ZNF148: variants seen among roughly 807,000 people sequenced by gnomAD.
ZNF148 encodes the protein zinc finger protein 148, also known as Beta-Enolase Repressor Factor-1.
In ZNF148, 7 loss-of-function variants were observed where a neutral mutation model predicts 67.7. The observed-to-expected ratio is 0.10, with a 90% confidence interval of 0.06 to 0.19. The LOEUF is 0.19. ZNF148 is among the 10% of genes least tolerant of loss of function. The pLI, the probability that ZNF148 is intolerant of heterozygous loss-of-function variation, is 1.00. For synonymous variants in ZNF148, 333 were observed against 330.7 expected (o/e 1.01, Z -0.08); for missense variants, 583 against 947.1 (o/e 0.62, Z 5.05).
chr3:125,356,270 A>G (rs1442695188), intron 1 of ZNF148, among the ~76,000 whole-genome samples: 1 of 152,236 alleles, frequency 6.6e-6, no homozygotes, highest in African/African-American at 2.4e-5. Context: ...CCAAACAGAC[A>G]AACACCCAGT....
At chr3:125,317,762 A>G (rs1264659879) in intron 3 of ZNF148, among the ~76,000 whole-genome samples, 2 of 150,294 alleles carry the variant, frequency 1.3e-5, no homozygotes, top group East Asian at 3.9e-4. Flanking sequence ...GGAAAATGAA[A>G]TAAGAAAGGA....
At chr3:125,310,759 T>G (rs1318145616) in intron 4 of ZNF148, 1 of 152,296 alleles carries the variant, frequency 6.6e-6, no homozygotes, top group African/African-American at 2.4e-5. Flanking sequence ...GAGTTTCAGT[T>G]TCAGTTTTGC....
chr3:125,255,795 A>G (rs1221758071), intron 7 of ZNF148, among the ~76,000 whole-genome samples: 1 of 151,584 alleles, frequency 6.6e-6, no homozygotes. Context: ...CATTTTTTTC[A>G]TTTCTAATGA....
At chr3:125,330,465 C>CAAAAAAAAAAAAAA (rs200643048) in intron 2 of ZNF148, among the ~76,000 whole-genome samples, 11 of 118,484 alleles carry the variant, frequency 9.3e-5, no homozygotes, top group African/African-American at 4.1e-4. Context: ...AACCCTATCT[C>CAAAAAAAAAAAAAA]AAAAAAAAAA....
rs1317003175 is a variant in ZNF148, at chr3:125,232,420, A to C, written c.2306T>G (p.Phe769Cys). 6.2e-7 allele frequency: 1 copy of C among 1,613,590 alleles called. No individual in the cohort carries two copies. Among genetic ancestry groups the C allele is most frequent in the African/African-American group, 1.3e-5 (1 of 74,994 alleles). The change falls in exon 9 of 9, where the codon TTT becomes TGT. Residue 769 changes from phenylalanine (F) to cysteine (C), a missense_variant. Transcript: ENST00000360647. The surrounding 1 kb of genome is among the most constrained non-coding windows in gnomAD (Gnocchi z 4.2). The stretch of plus-strand genomic sequence containing the variant: ...ATTATCATTTACATTCACCAAGGGA[A>C]ATTCTGAAAATTCAGCACTTGTCCC... ...GPGTSAEFSE[F>C]PLVNVNDNRA...
At chr3:125,260,934 T>C (rs574954084) in intron 7 of ZNF148, among the ~76,000 whole-genome samples, 1 of 152,312 alleles carries the variant, frequency 6.6e-6, no homozygotes, top group East Asian at 1.9e-4. Flanking sequence ...CAAAACTTCC[T>C]GATTTATTGA....
At chr3:125,268,329 C>A (rs1937585190) in intron 7 of ZNF148, among the ~76,000 whole-genome samples, 2 of 149,360 alleles carry the variant, frequency 1.3e-5, no homozygotes, top group Non-Finnish European at 3.0e-5. Context: ...GCTACAGTAA[C>A]CAAAACAGCA....
At chr3:125,284,897 T>C (rs764518462) in intron 5 of ZNF148, among the ~76,000 whole-genome samples, 27 of 131,930 alleles carry the variant, frequency 2.0e-4, no homozygotes, top group Admixed American at 1.6e-3. Flanking sequence ...GGCTTTCCCA[T>C]TGCATTTAAG....
chr3:125,374,308 G>A (rs1000858584), intron 1 of ZNF148, among the ~76,000 whole-genome samples: 5 of 152,030 alleles, frequency 3.3e-5, no homozygotes, highest in African/African-American at 1.2e-4. Context: ...CAGTACTTAG[G>A]CCAATATTTA....
chr3:125,367,098 A>G (rs770533258), intron 1 of ZNF148, among the ~76,000 whole-genome samples: 1 of 152,246 alleles, frequency 6.6e-6, no homozygotes, highest in African/African-American at 2.4e-5. Flanking sequence ...GCTTTTGCAT[A>G]TAACAAATGT....
chr3:125,349,014 G>A (rs1942045889), intron 1 of ZNF148, among the ~76,000 whole-genome samples: 1 of 152,166 alleles, frequency 6.6e-6, no homozygotes, highest in South Asian at 2.1e-4. Flanking sequence ...AAATGGTACT[G>A]GGAAATCTGG....
intron 7 of ZNF148, among the ~76,000 whole-genome samples, chr3:125,251,418 C>A (rs1016210997): frequency 6.6e-6 from 1 of 152,094 alleles, no homozygotes; most frequent in East Asian, 1.9e-4. Context: ...GTCTAAGTGC[C>A]GTTTGAGGAA....
At position 125,313,441 on chromosome 3, in the gene ZNF148, C is replaced by G. The variant is rs777684232; in HGVS notation, c.200G>C (p.Ser67Thr). ...TATCATATCCTGTTGTCTCATTTCA[C>G]TTTCTTGTAACACTTCATCTGCAGC... Reference protein sequence around the residue: ...ILAADEVLQESEMRQQDMISH... With the variant: ...ILAADEVLQETEMRQQDMISH... Residue 67 changes from serine to threonine, a missense_variant, in exon 4 of 9, where the codon AGT (serine) becomes ACT (threonine). By Grantham distance (58) the Ser-to-Thr change is moderately conservative. Coordinates refer to ENST00000360647, the MANE Select transcript of ZNF148 (RefSeq NM_021964.3). The G allele has an allele frequency of 3.1e-6, 5 of 1,613,964 alleles. No individual in the cohort carries two copies. The South Asian group carries it at 5.5e-5, about 18-fold the overall frequency.
At chr3:125,305,175 A>G (rs1939807216) in intron 4 of ZNF148, among the ~76,000 whole-genome samples, 1 of 152,224 alleles carries the variant, frequency 6.6e-6, no homozygotes, top group Non-Finnish European at 1.5e-5. Flanking sequence ...CATCTGAATG[A>G]CGGCAAATAA....
chr3:125,330,788 AT>A (rs1288874443), intron 2 of ZNF148, among the ~76,000 whole-genome samples: 1 of 152,160 alleles, frequency 6.6e-6, no homozygotes, highest in Non-Finnish European at 1.5e-5. Context: ...ATCTTCTTTC[AT>A]GTTGTGTGAA....
intron 7 of ZNF148, among the ~76,000 whole-genome samples, chr3:125,246,757 T>A (rs556362045): frequency 1.4e-4 from 22 of 152,290 alleles, no homozygotes; most frequent in African/African-American, 5.3e-4. Context: ...GGGCTATATA[T>A]CCTAAATGAA....
intron 1 of ZNF148, 131 bp from the exon 2 acceptor site, chr3:125,331,369 T>C: frequency 2.5e-6 from 1 of 394,934 alleles, no homozygotes; most frequent in Non-Finnish European, 4.5e-6. Flanking sequence ...GTAGATACTG[T>C]TAGAGTAAAT....
chr3:125,275,278 A>T (rs1322155192), intron 7 of ZNF148, among the ~76,000 whole-genome samples: 1 of 152,152 alleles, frequency 6.6e-6, no homozygotes, highest in Non-Finnish European at 1.5e-5. Flanking sequence ...TCAACTCCTT[A>T]TCTTCTTCTA....
At chr3:125,317,371 A>G (rs1482877476) in intron 3 of ZNF148, among the ~76,000 whole-genome samples, 1 of 152,148 alleles carries the variant, frequency 6.6e-6, no homozygotes, top group Non-Finnish European at 1.5e-5. Context: ...TCTCACTGCT[A>G]GGGATATACA....
Sources: allele counts gnomAD v4.1 joint callset (sites outside exome capture counted in the v4.1 genomes callset), GRCh38; gene constraint gnomAD v4.1.1; non-coding constraint Gnocchi (gnomAD v3.1); transcripts MANE v1.5; gene names NCBI Gene and HGNC (gene_info 2026-07-23, HGNC 2026-07-21).